Variants in MYO1E observed in about 807,000 individuals in gnomAD.
The protein encoded by MYO1E is myosin IE.
A neutral mutation model predicts 151.1 loss-of-function variants in MYO1E; 68 were observed. The observed-to-expected ratio is 0.45, with a 90% CI of 0.37 to 0.55. The LOEUF (loss-of-function observed/expected upper bound fraction) is 0.55, where lower values mean the gene tolerates loss of function less well. MYO1E is among the 20% of genes least tolerant of loss of function. MYO1E has a pLI of 0.00. For missense variants in MYO1E, 1,363 were observed against 1,389.3 expected, an observed-to-expected ratio of 0.98 and a Z score of 0.30; for synonymous variants, 601 against 501.7, an observed-to-expected ratio of 1.20 and a Z score of -2.64.
rs1300127405 is a variant in MYO1E, at chr15:59,163,189, G to A, written c.2595C>T (p.Thr865=). The change falls in exon 23 of 28, where the codon ACC becomes ACT. Residue 865 remains threonine (T), a synonymous_variant. Coordinates refer to ENST00000288235, the MANE Select transcript of MYO1E (RefSeq NM_004998.4). Reference sequence around the variant, plus strand: ...TGAATTTCAGAGGTAGTTGCTTCTGGGTCTTCTCCTCGTAACGCTTTGCTA... The same window carrying A: ...TGAATTTCAGAGGTAGTTGCTTCTGAGTCTTCTCCTCGTAACGCTTTGCTA... ...SLLAKRYEEK[T]QKQLPLKFSN... is the part of the protein sequence containing the mutation. The A allele has an allele frequency of 6.2e-7, 1 of 1,614,044 alleles. No homozygotes were observed.
chr15:59,300,335 G>A (rs1330194694), intron 1 of MYO1E, among the ~76,000 whole-genome samples: 1 of 151,870 alleles, frequency 6.6e-6, no homozygotes, highest in Non-Finnish European at 1.5e-5. Context: ...CACACGCACG[G>A]TCATTTCTGG....
intron 1 of MYO1E, among the ~76,000 whole-genome samples, chr15:59,315,208 C>A (rs1822064731): frequency 6.6e-6 from 1 of 151,982 alleles, no homozygotes; most frequent in Non-Finnish European, 1.5e-5. Flanking sequence ...TAAGTAAGTT[C>A]TCTGTGTTGC....
In MYO1E at chr15:59,218,816, G is replaced by A. The variant is rs566648132; in HGVS notation, c.911-729C>T. ...GTAAAGGATGAATACGATTTGTGCA[G>A]ATGCAGAGAGGAGAAGGGAGTGTAC... On this transcript the variant is annotated intron_variant, in intron 9 of 27. Coordinates refer to ENST00000288235, the MANE Select transcript of MYO1E (RefSeq NM_004998.4). 3.3e-5 allele frequency among the ~76,000 whole-genome samples: 5 copies of A among 152,334 alleles called. No homozygotes were observed. The East Asian group carries it at 9.6e-4, about 29-fold the overall frequency.
At chr15:59,267,895 T>C (rs556391586) in intron 2 of MYO1E, among the ~76,000 whole-genome samples, 2 of 152,356 alleles carry the variant, frequency 1.3e-5, no homozygotes, top group South Asian at 2.1e-4. Flanking sequence ...GGGAGTTTTA[T>C]TGGTAAACGA....
chr15:59,214,841 G>T, intron 10 of MYO1E, 121 bp from the exon 11 acceptor site: 1 of 800,278 alleles, frequency 1.2e-6, no homozygotes, highest in Non-Finnish European at 2.2e-6. Flanking sequence ...GGAAACAGAG[G>T]ACAAGTGAAG....
intron 19 of MYO1E, among the ~76,000 whole-genome samples, chr15:59,178,180 C>G (rs1485670861): frequency 6.6e-6 from 1 of 152,206 alleles, no homozygotes; most frequent in Non-Finnish European, 1.5e-5. Context: ...GCTTAGTGCT[C>G]TGCAGGAAAT....
intron 2 of MYO1E, among the ~76,000 whole-genome samples, chr15:59,267,855 C>G (rs2080265700): frequency 6.6e-6 from 1 of 152,190 alleles, no homozygotes; most frequent in Non-Finnish European, 1.5e-5. Flanking sequence ...GCAAATTAAA[C>G]CTTGTCATAG....
At chr15:59,272,631 AGTT>A (rs1182063326) in intron 1 of MYO1E, among the ~76,000 whole-genome samples, 182 bp from the exon 2 acceptor site, 2 of 152,190 alleles carry the variant, frequency 1.3e-5, no homozygotes, top group Non-Finnish European at 2.9e-5. Flanking sequence ...CTACAGACTA[AGTT>A]AAGTGGGGAA....
chr15:59,284,492 C>T (rs1035400615), intron 1 of MYO1E, among the ~76,000 whole-genome samples: 27 of 151,798 alleles, frequency 1.8e-4, no homozygotes, highest in Non-Finnish European at 5.9e-5. Flanking sequence ...CTTTGTCACC[C>T]AGGCTGGAGT....
At chr15:59,277,365 T>G (rs1173507147) in intron 1 of MYO1E, among the ~76,000 whole-genome samples, 6 of 152,070 alleles carry the variant, frequency 3.9e-5, no homozygotes, top group African/African-American at 1.4e-4. Flanking sequence ...GCCAACATAG[T>G]GAAACCCTGT....
At chr15:59,193,225 A>ACAAGG (rs140293518) in intron 17 of MYO1E, among the ~76,000 whole-genome samples, 19 of 152,354 alleles carry the variant, frequency 1.2e-4, no homozygotes, top group Non-Finnish European at 2.5e-4. Context: ...CTCAGCTTTA[A>ACAAGG]CAAGGCCTCC....
intron 11 of MYO1E, 78 bp downstream of exon 11, chr15:59,214,562 A>T: frequency 1.5e-6 from 2 of 1,325,080 alleles, no homozygotes; most frequent in African/African-American, 1.5e-5. Context: ...TTGTTTTTGC[A>T]TTGCCTAGAA....
chr15:59,207,240 G>A (rs770545957), intron 14 of MYO1E: 2 of 1,614,058 alleles, frequency 1.2e-6, no homozygotes, highest in Non-Finnish European at 1.7e-6. Flanking sequence ...TTGCCCTTGT[G>A]GATCTTGATG....
chr15:59,202,495 C>G, intron 15 of MYO1E, 88 bp from the exon 16 acceptor site: 1 of 1,185,100 alleles, frequency 8.4e-7, no homozygotes. Context: ...GGTGAAGGGC[C>G]GTCCCCAGGC....
chr15:59,170,035 C>T (rs1456131297), intron 22 of MYO1E, among the ~76,000 whole-genome samples: 1 of 152,142 alleles, frequency 6.6e-6, no homozygotes, highest in Non-Finnish European at 1.5e-5. Context: ...GTGGCTCAGG[C>T]CTGTAATCCC....
intron 1 of MYO1E, among the ~76,000 whole-genome samples, chr15:59,357,823 G>A (rs574873093): frequency 1.1e-4 from 16 of 152,118 alleles, no homozygotes; most frequent in African/African-American, 2.4e-4. Context: ...TTAGACTGAC[G>A]GGATGGAGAG....
chr15:59,254,389 A>G (rs1190948817), intron 4 of MYO1E, among the ~76,000 whole-genome samples: 2 of 152,084 alleles, frequency 1.3e-5, no homozygotes, highest in African/African-American at 4.8e-5. Flanking sequence ...AGGGTTTGCT[A>G]TGTTGTCCGG....
chr15:59,181,566 C>T (rs926924558), intron 18 of MYO1E, among the ~76,000 whole-genome samples: 3 of 152,218 alleles, frequency 2.0e-5, no homozygotes, highest in African/African-American at 7.2e-5. Flanking sequence ...ATGGGGCCCA[C>T]CCATGGGGGA....
intron 5 of MYO1E, among the ~76,000 whole-genome samples, chr15:59,234,045 T>C (rs757979594): frequency 9.2e-5 from 14 of 152,216 alleles, no homozygotes; most frequent in Non-Finnish European, 1.8e-4. Context: ...ATTACACATA[T>C]GGCTTGCTTC....
Sources: allele counts gnomAD v4.1 joint callset (sites outside exome capture counted in the v4.1 genomes callset), GRCh38; gene constraint gnomAD v4.1.1; transcripts MANE v1.5; gene names NCBI Gene and HGNC (gene_info 2026-07-23, HGNC 2026-07-21).